Variants in ACP2 observed in about 807,000 individuals in gnomAD.
ACP2 encodes acid phosphatase 2, lysosomal.
Under a neutral mutation model 54.7 loss-of-function variants are expected in ACP2, and 35 were observed. That is an observed-to-expected ratio of 0.64 (90% CI 0.49 to 0.85). The LOEUF is 0.85. ACP2 is among the 40% of genes least tolerant of loss of function. The probability of loss-of-function intolerance (pLI) is 0.00; values close to 1 mark genes in which losing one functional copy is unlikely to be tolerated. For synonymous variants in ACP2, 210 were observed against 224.4 expected (o/e 0.94, Z 0.57); for missense variants, 492 against 565.0 (o/e 0.87, Z 1.31).
Position 47,245,521 on chromosome 11 carries a change from C to T in ACP2, c.502G>A (p.Glu168Lys), listed in dbSNP as rs773120760. ...TGATACTCTGGTGTCTGCCGGGTCT[C>T]GTTCTGCAGCTGCTCATAACGGGGA... ...PCPRYEQLQNETRQTPEYQNE... is the reference protein window; with the variant it reads ...PCPRYEQLQNKTRQTPEYQNE... The change falls in exon 5 of 11, where the codon GAG becomes AAG. Residue 168 changes from glutamate (E) to lysine (K), a missense_variant. By Grantham distance (56) the Glu-to-Lys change is moderately conservative. Coordinates refer to ENST00000672073, the MANE Select transcript of ACP2 (RefSeq NM_001610.4). 19 of 1,614,122 alleles carry T rather than the reference C, an allele frequency of 1.2e-5. No individual in the cohort carries two copies. The highest frequency in any genetic ancestry group is 2.7e-5 in the African/African-American group (2 of 74,946).
At position 47,245,661 on chromosome 11, in the gene ACP2, G is replaced by A. The variant is rs1460282393; in HGVS notation, c.450+21C>T. 2.5e-6 allele frequency: 4 copies of A among 1,613,342 alleles called. No homozygotes were observed. In the African/African-American group the frequency reaches 4.0e-5, roughly 16 times the overall value. ...CAGAGCTGTCCCCTCACCACCCCAG[G>A]GAAGGGCTGGCCACTCTTACCCTGT... On this transcript the variant is annotated intron_variant, in intron 4 of 10. Transcript: ENST00000672073.
chr11:47,240,322 G>C, intron 10 of ACP2, 73 bp from the exon 11 acceptor site: 1 of 788,802 alleles, frequency 1.3e-6, no homozygotes. Flanking sequence ...CTGACATATA[G>C]GAGATACACA....
chr11:47,248,568 T>G, intron 1 of ACP2, 108 bp downstream of exon 1: 1 of 1,551,724 alleles, frequency 6.4e-7, no homozygotes, highest in East Asian at 2.4e-5. Context: ...CCCAGGCCAG[T>G]CGTCCCCTCC....
chr11:47,247,760 G>C, intron 2 of ACP2, 33 bp from the exon 3 acceptor site: 1 of 1,603,716 alleles, frequency 6.2e-7, no homozygotes, highest in Non-Finnish European at 8.5e-7. Flanking sequence ...AGAGGGTCTA[G>C]AGGGAAGGGG....
intron 3 of ACP2, 26 bp downstream of exon 3, chr11:47,247,615 C>T: frequency 6.2e-7 from 1 of 1,613,952 alleles, no homozygotes; most frequent in Non-Finnish European, 8.5e-7. Flanking sequence ...CCTTGTTCCC[C>T]TTGCCTCTGG....
At chr11:47,246,790 C>T (rs753253225) in intron 3 of ACP2, among the ~76,000 whole-genome samples, 9 of 152,028 alleles carry the variant, frequency 5.9e-5, no homozygotes, top group Admixed American at 2.0e-4. Flanking sequence ...ACAGGAGAAT[C>T]GCTTGAACCT....
Position 47,244,734 on chromosome 11 carries a change from C to A in ACP2, c.772+1G>T. 5 of 1,599,794 alleles carry A rather than the reference C, an allele frequency of 3.1e-6. No homozygotes were observed. Among genetic ancestry groups the A allele is most frequent in the Non-Finnish European group, 4.3e-6 (5 of 1,170,964 alleles). On this transcript the variant is annotated splice_donor_variant, in intron 7 of 10. Transcript: ENST00000672073. LOFTEE classifies it high-confidence loss of function. ...AGTGACACGCTGTCCTTGTCACTCA[C>A]CCCCCTGAAGCCGGGCCTTCTCCGC...
At chr11:47,241,288 C>T (rs1052730314) in intron 10 of ACP2, among the ~76,000 whole-genome samples, 5 of 152,292 alleles carry the variant, frequency 3.3e-5, no homozygotes, top group African/African-American at 4.8e-5. Flanking sequence ...GAGACTAAGG[C>T]GGGCGGATCA....
chr11:47,245,427 T>C, intron 5 of ACP2, 33 bp from the exon 6 acceptor site: 1 of 1,614,182 alleles, frequency 6.2e-7, no homozygotes, highest in Non-Finnish European at 8.5e-7. Context: ...TCAGTCCTGC[T>C]CTGGGGAAAA....
At position 47,239,869 on chromosome 11, in the gene ACP2, T is replaced by C. The variant is rs1953822974; in HGVS notation, c.*247A>G. The C allele has an allele frequency of 4.0e-6, 2 of 501,834 alleles. No homozygotes were observed. The highest frequency in any genetic ancestry group is 3.9e-5 in the African/African-American group (2 of 51,342). 31.1% of individuals were successfully genotyped at this position (501,834 alleles called of 1,614,324 possible). On this transcript the variant is annotated 3_prime_UTR_variant, in exon 11 of 11. Transcript: ENST00000672073. ...TTACATCTCAGGTGTGTAGGGAGCG[T>C]GGAGGAGGCAAATCCTGTTTGGAGA... is the stretch of plus-strand genomic sequence containing the variant.
chr11:47,248,660 GC>G lies in ACP2; in HGVS notation c.114+15del, dbSNP rs1954334466. ...TTAGCTTCAGGGAAGTCTTTGGTGA[GC>G]CCATCTCTCATTACCAAGGTAACGA... On this transcript the variant is annotated intron_variant, in intron 1 of 10. Coordinates refer to ENST00000672073, the MANE Select transcript of ACP2 (RefSeq NM_001610.4). The G allele has an allele frequency of 6.2e-7, 1 of 1,603,810 alleles. No homozygotes were observed. The highest frequency in any genetic ancestry group is 1.3e-5 in the African/African-American group (1 of 74,764).
intron 3 of ACP2, among the ~76,000 whole-genome samples, chr11:47,246,548 T>G (rs1231303573): frequency 6.6e-6 from 1 of 151,964 alleles, no homozygotes; most frequent in Non-Finnish European, 1.5e-5. Flanking sequence ...GTGCTACAGT[T>G]TGGGTGACAG....
chr11:47,243,051 C>T lies in ACP2; in HGVS notation c.929G>A (p.Cys310Tyr), dbSNP rs764066850. Residue 310 changes from cysteine (C) to tyrosine (Y), a missense_variant, in exon 9 of 11, where the codon TGC (cysteine) becomes TAC (tyrosine). By Grantham distance (194) the Cys-to-Tyr change is radical (BLOSUM62 -2). Transcript: ENST00000672073. Reference protein sequence around the residue: ...YNGEQAPYASCHIFELYQEDS... With the variant: ...YNGEQAPYASYHIFELYQEDS... ...TTCCTGGTACAGTTCAAATATGTGGCAGGAGGCGTAGGGGGCTTGTTCACC... is the reference window on the plus strand; with the variant it reads ...TTCCTGGTACAGTTCAAATATGTGGTAGGAGGCGTAGGGGGCTTGTTCACC... 3 of 1,614,238 alleles carry T rather than the reference C, an allele frequency of 1.9e-6. No individual in the cohort carries two copies. The highest frequency in any genetic ancestry group is 1.7e-5 in the Admixed American group (1 of 60,018).
intron 1 of ACP2, 113 bp from the exon 2 acceptor site, chr11:47,248,246 T>C: frequency 8.5e-7 from 1 of 1,178,840 alleles, no homozygotes; most frequent in Non-Finnish European, 1.2e-6. Flanking sequence ...CTGGGAAGCC[T>C]ACTGGCTGCA....
intron 1 of ACP2, 82 bp from the exon 2 acceptor site, chr11:47,248,215 G>C: frequency 7.3e-7 from 1 of 1,374,126 alleles, no homozygotes; most frequent in South Asian, 1.4e-5. Flanking sequence ...CCCCATGTTA[G>C]GGAAGGAAGT....
chr11:47,246,004 A>C (rs1438706656), intron 3 of ACP2, among the ~76,000 whole-genome samples, 170 bp from the exon 4 acceptor site: 2 of 152,166 alleles, frequency 1.3e-5, no homozygotes, highest in Admixed American at 6.6e-5. Flanking sequence ...ATGGTCACCC[A>C]GCAAACTAAA....
intron 1 of ACP2, 29 bp downstream of exon 1, chr11:47,248,646 GA>G: frequency 6.3e-7 from 1 of 1,593,204 alleles, no homozygotes; most frequent in Non-Finnish European, 8.5e-7. Context: ...TAGCTTCAGG[GA>G]AGTCTTTGGT....
At chr11:47,247,815 T>A in intron 2 of ACP2, 88 bp from the exon 3 acceptor site, 1 of 1,348,524 alleles carries the variant, frequency 7.4e-7, no homozygotes, top group Non-Finnish European at 1.0e-6. Flanking sequence ...CTTTCCAGGT[T>A]CACGCTTTGC....
chr11:47,248,722 A>T lies in ACP2; in HGVS notation c.68T>A (p.Val23Glu). 1 of 1,611,708 alleles carries T rather than the reference A, an allele frequency of 6.2e-7. No individual in the cohort carries two copies. The stretch of plus-strand genomic sequence containing the variant: ...CCGGGCCCGGGTGGGCGGCATCACC[A>T]CCAGGTTCACGCCGAGAAGGAGCTG... ...LLQLLLGVNL[V>E]VMPPTRARSL... The change falls in exon 1 of 11, where the codon GTG (valine) becomes GAG (glutamate). Residue 23 changes from valine (V) to glutamate (E), a missense_variant. By Grantham distance (121) the Val-to-Glu change is moderately radical. Coordinates refer to ENST00000672073, the MANE Select transcript of ACP2 (RefSeq NM_001610.4).
Sources: gnomAD v4.1 joint callset for allele counts (sites outside exome capture counted in the v4.1 genomes callset) on GRCh38, gnomAD v4.1.1 for gene constraint, MANE v1.5 for transcripts, NCBI Gene and HGNC (gene_info 2026-07-23, HGNC 2026-07-21) for gene names.